KYNU: variants seen among roughly 807,000 people sequenced by gnomAD.
KYNU encodes the protein L-kynurenine hydrolase.
Under a neutral mutation model 59.2 loss-of-function variants are expected in KYNU, and 54 were observed. The ratio of observed to expected loss-of-function variants is 0.91; its 90% CI spans 0.73 to 1.14. The LOEUF (loss-of-function observed/expected upper bound fraction) is 1.14, where lower values mean the gene tolerates loss of function less well. Among genes scored for constraint, KYNU ranks in the 50% most tolerant of loss-of-function variants. KYNU has a pLI of 0.00. For missense variants in KYNU, 567 were observed against 554.4 expected (o/e 1.02, Z -0.23); for synonymous variants, 177 against 192.0 (o/e 0.92, Z 0.65).
At chr2:143,003,295 G>C (rs1685764357) in intron 10 of KYNU, among the ~76,000 whole-genome samples, 3 of 152,098 alleles carry the variant, frequency 2.0e-5, no homozygotes, top group Admixed American at 6.6e-5. Context: ...TGGGGGGGGT[G>C]GCTCACACCT....
At chr2:142,988,359 A>C (rs1685286084) in intron 10 of KYNU, among the ~76,000 whole-genome samples, 1 of 151,840 alleles carries the variant, frequency 6.6e-6, no homozygotes, top group South Asian at 2.1e-4. Flanking sequence ...ATGGTTTGTG[A>C]CTTTGTAGGA....
intron 4 of KYNU, among the ~76,000 whole-genome samples, chr2:142,944,154 G>T (rs1360353642): frequency 1.3e-5 from 2 of 152,128 alleles, no homozygotes; most frequent in African/African-American, 4.8e-5. Flanking sequence ...AAGACTTTTG[G>T]TCAGTTAGTT....
intron 10 of KYNU, among the ~76,000 whole-genome samples, chr2:143,026,806 T>G (rs1208968536): frequency 5.9e-5 from 9 of 152,234 alleles, no homozygotes; most frequent in Admixed American, 6.5e-5. Context: ...ACTTTTCACA[T>G]GAGGCGGCTG....
intron 8 of KYNU, chr2:142,964,680 A>G (rs1366871041): frequency 2.0e-5 from 3 of 152,184 alleles, no homozygotes; most frequent in African/African-American, 7.2e-5. Context: ...TTTGAAGGAG[A>G]GAGAAAATAC....
intron 4 of KYNU, among the ~76,000 whole-genome samples, chr2:142,933,682 G>A (rs1162712300): frequency 6.6e-6 from 1 of 152,184 alleles, no homozygotes; most frequent in Admixed American, 6.5e-5. Context: ...AAAAGAGAGA[G>A]ATAGTGTGGG....
intron 10 of KYNU, among the ~76,000 whole-genome samples, chr2:143,013,926 GGCCTCAT>G (rs2105207581): frequency 6.6e-6 from 1 of 152,298 alleles, no homozygotes; most frequent in Admixed American, 6.5e-5. Flanking sequence ...AAACTGAAAT[GGCCTCAT>G]GCCTTTTATC....
chr2:142,912,371 C>CTTTTTTTTTTTTTTTTTTTT, intron 2 of KYNU, among the ~76,000 whole-genome samples: 1 of 89,510 alleles, frequency 1.1e-5, no homozygotes, highest in Non-Finnish European at 2.1e-5. Flanking sequence ...TTTTGTATTT[C>CTTTTTTTTTTTTTTTTTTTT]TTTTTTTTTT....
chr2:142,895,014 T>C (rs913701846), intron 2 of KYNU, among the ~76,000 whole-genome samples: 2 of 152,232 alleles, frequency 1.3e-5, no homozygotes, highest in Non-Finnish European at 2.9e-5. Context: ...ATTTTATTTT[T>C]TAATTTCATC....
intron 4 of KYNU, among the ~76,000 whole-genome samples, chr2:142,949,836 A>T (rs1437109471): frequency 6.6e-6 from 1 of 152,006 alleles, no homozygotes; most frequent in African/African-American, 2.4e-5. Flanking sequence ...AGAAATTTGG[A>T]TTTTCTTTTC....
At chr2:142,937,433 G>A (rs544538244) in intron 4 of KYNU, among the ~76,000 whole-genome samples, 18 of 152,034 alleles carry the variant, frequency 1.2e-4, no homozygotes, top group African/African-American at 3.4e-4. Flanking sequence ...TTCCCAGCAC[G>A]ATGGGCAAAT....
At chr2:142,897,579 A>G (rs1406457387) in intron 2 of KYNU, among the ~76,000 whole-genome samples, 1 of 152,252 alleles carries the variant, frequency 6.6e-6, no homozygotes, top group African/African-American at 2.4e-5. Context: ...ACACAGCTGA[A>G]ATCTTTATGC....
intron 8 of KYNU, among the ~76,000 whole-genome samples, chr2:142,976,286 T>C (rs1282651535): frequency 6.6e-6 from 1 of 152,226 alleles, no homozygotes; most frequent in African/African-American, 2.4e-5. Context: ...TTATTCATTA[T>C]TCTTCCCCAC....
chr2:142,998,753 T>C (rs1685619230), intron 10 of KYNU, among the ~76,000 whole-genome samples: 1 of 152,064 alleles, frequency 6.6e-6, no homozygotes, highest in Non-Finnish European at 1.5e-5. Context: ...CTCATACCTG[T>C]AATCTGACAC....
chr2:143,026,687 T>A (rs1686577375), intron 10 of KYNU, among the ~76,000 whole-genome samples: 2 of 152,224 alleles, frequency 1.3e-5, no homozygotes. Flanking sequence ...CGGGGGTGCC[T>A]GCGACTCTCA....
At chr2:143,031,949 TGA>T (rs139000371) in intron 11 of KYNU, among the ~76,000 whole-genome samples, 5 of 148,336 alleles carry the variant, frequency 3.4e-5, no homozygotes, top group African/African-American at 9.9e-5. Context: ...TGATGGGAGG[TGA>T]GAGAGAGAGA....
At chr2:142,881,821 A>G (rs746314352) in intron 1 of KYNU, among the ~76,000 whole-genome samples, 1 of 151,824 alleles carries the variant, frequency 6.6e-6, no homozygotes, top group Non-Finnish European at 1.5e-5. Context: ...GCTCACTGCA[A>G]CCTCAGACTG....
intron 8 of KYNU, chr2:142,971,396 C>T (rs754983986): frequency 4.6e-5 from 7 of 152,036 alleles, no homozygotes; most frequent in East Asian, 3.9e-4. Context: ...AGGCCCAACT[C>T]GTACATTGCT....
intron 2 of KYNU, among the ~76,000 whole-genome samples, chr2:142,893,749 C>T (rs1184525187): frequency 6.6e-6 from 1 of 152,068 alleles, no homozygotes; most frequent in African/African-American, 2.4e-5. Context: ...TTGTCTATTC[C>T]CACCTTTTTC....
chr2:142,881,754 A>AT (rs563461753), intron 1 of KYNU, among the ~76,000 whole-genome samples: 4 of 151,352 alleles, frequency 2.6e-5, no homozygotes, highest in Admixed American at 6.6e-5. Context: ...CCTAAATATA[A>AT]TTTTTTTTTA....
Sources: gnomAD v4.1 joint callset for allele counts (sites outside exome capture counted in the v4.1 genomes callset) on GRCh38, gnomAD v4.1.1 for gene constraint, MANE v1.5 for transcripts, NCBI Gene and HGNC (gene_info 2026-07-23, HGNC 2026-07-21) for gene names.